Variants in TMPRSS9 observed in about 807,000 individuals in gnomAD.
The protein encoded by TMPRSS9 is transmembrane protease serine 9.
A neutral mutation model predicts 111.4 loss-of-function variants in TMPRSS9; 113 were observed. That is an observed-to-expected ratio of 1.01 (90% CI 0.87 to 1.19). The LOEUF is 1.19. Ranked by LOEUF, TMPRSS9 falls within the 50% of genes most tolerant of loss-of-function variation. The pLI is 0.00. For synonymous variants in TMPRSS9, 805 were observed against 659.1 expected, an observed-to-expected ratio of 1.22 and a Z score of -3.39; for missense variants, 1,803 against 1,513.1, an observed-to-expected ratio of 1.19 and a Z score of -3.18.
intron 13 of TMPRSS9, among the ~76,000 whole-genome samples, 189 bp downstream of exon 14, chr19:2,418,327 C>CTT (rs1568189431): frequency 1.4e-4 from 5 of 36,204 alleles, no homozygotes; most frequent in African/African-American, 1.2e-3. Context: ...CCCTCCCTCC[C>CTT]TCCCTTTCCT....
At chr19:2,392,099 A>T (rs1179322702) in intron 1 of TMPRSS9, among the ~76,000 whole-genome samples, 1 of 152,082 alleles carries the variant, frequency 6.6e-6, no homozygotes, top group African/African-American at 2.4e-5. Flanking sequence ...CTGTAATCCC[A>T]GCACTCTGGG....
intron 11 of TMPRSS9, chr19:2,416,278 G>A: frequency 1.9e-6 from 1 of 530,722 alleles, no homozygotes. Context: ...GGTTGGGGGG[G>A]GGCATTGGCA....
chr19:2,408,719 G>A, intron 8 of TMPRSS9, 89 bp downstream of exon 9: 2 of 1,510,578 alleles, frequency 1.3e-6, no homozygotes, highest in Non-Finnish European at 1.8e-6. Context: ...GCTCACGCCT[G>A]TCATCCCAGC....
intron 7 of TMPRSS9, among the ~76,000 whole-genome samples, chr19:2,406,539 T>C (rs1438667079): frequency 1.3e-5 from 2 of 150,178 alleles, no homozygotes; most frequent in Non-Finnish European, 3.0e-5. Flanking sequence ...TTCGCCATGT[T>C]GGCCAGGCTG....
Position 2,369,989 on chromosome 19 carries a change from C to CT in TMPRSS9, c.-26+9631dup, listed in dbSNP as rs1970276305. 2.6e-5 allele frequency among the ~76,000 whole-genome samples: 4 copies of CT among 152,190 alleles called. No individual in the cohort carries two copies. The South Asian group carries it at 8.3e-4, about 32-fold the overall frequency. On this transcript the variant is annotated intron_variant, in intron 1 of 17. Transcript: ENST00000649857. ...TTGGGAGGCCAAGGCTGGCAGGTCACTTGAGGTCAGGAGTTCAAGACCAGC... is the reference window on the plus strand; with the variant it reads ...TTGGGAGGCCAAGGCTGGCAGGTCACTTTGAGGTCAGGAGTTCAAGACCAGC...
Position 2,425,492 on chromosome 19 carries a change from C to A in TMPRSS9, c.3119C>A (p.Ser1040Ter). 1 of 1,575,444 alleles carries A rather than the reference C, an allele frequency of 6.3e-7. No individual in the cohort carries two copies. The highest frequency in any genetic ancestry group is 1.3e-5 in the African/African-American group (1 of 74,202). ...CCGCAGGGTGGCGTGGACAGCTGCT[C>A]GGTGAGCCCCGCCCCGGCCCAGGGG... The change falls in exon 17 of 18, where the codon TCG (serine) becomes TAG (stop). Residue 1040 changes from serine (S) to a stop codon, truncating the protein, a stop_gained and splice_region_variant. Transcript: ENST00000648592. LOFTEE classifies it low-confidence loss of function (END_TRUNC).
At position 2,394,020 on chromosome 19, in the gene TMPRSS9, A is replaced by C. The variant is rs4807256; in HGVS notation, c.143-2519A>C. Among the ~76,000 whole-genome samples the C allele has an allele frequency of 2.0e-5, 3 of 151,962 alleles. No individual in the cohort carries two copies. The East Asian group carries it at 5.8e-4, about 29-fold the overall frequency. Reference sequence around the variant, plus strand: ...GATTGAAACCATCCTGGCCAACATGATGAAACCCCGTCTCTACTAAAATAC... The same window carrying C: ...GATTGAAACCATCCTGGCCAACATGCTGAAACCCCGTCTCTACTAAAATAC... On this transcript the variant is annotated intron_variant, in intron 1 of 17. Transcript: ENST00000648592.
At chr19:2,379,756 CTCTT>C (rs1970371891) in intron 1 of TMPRSS9, among the ~76,000 whole-genome samples, 1 of 148,246 alleles carries the variant, frequency 6.7e-6, no homozygotes, top group Non-Finnish European at 1.5e-5. Context: ...CTCTCATTCT[CTCTT>C]TTCTCTCTTT....
chr19:2,418,015 GCTC>G, exon 13 of TMPRSS9: 1 of 1,611,650 alleles, frequency 6.2e-7, no homozygotes, highest in Non-Finnish European at 8.5e-7. Context: ...CCAAGCCCGA[GCTC>G]CTGCAGAAGG....
chr19:2,389,290 G>T (rs999472515), upstream of TMPRSS9, among the ~76,000 whole-genome samples: 50 of 150,612 alleles, frequency 3.3e-4, no homozygotes, highest in Non-Finnish European at 2.8e-4. Context: ...GGCCAGGCTG[G>T]TCTCAAACTC....
intron 2 of TMPRSS9, among the ~76,000 whole-genome samples, chr19:2,397,676 T>C (rs1021761117): frequency 6.6e-5 from 10 of 150,846 alleles, no homozygotes; most frequent in Non-Finnish European, 1.5e-4. Flanking sequence ...TCCCAGCACT[T>C]TGGGAGGCCG....
At chr19:2,413,230 C>T (rs12610522) in intron 9 of TMPRSS9, among the ~76,000 whole-genome samples, 54,217 of 151,794 alleles carry the variant, frequency 0.36, 10,911 homozygotes, top group African/African-American at 0.55. Flanking sequence ...ATACACAGAA[C>T]GTAAGGGTCA....
At chr19:2,387,385 T>C (rs975689476), upstream of TMPRSS9, among the ~76,000 whole-genome samples, 20 of 151,922 alleles carry the variant, frequency 1.3e-4, no homozygotes, top group African/African-American at 4.8e-4. Context: ...ATCCCAGCTA[T>C]TGGGGAGGCT....
At chr19:2,400,252 G>A (rs1202216673) in intron 4 of TMPRSS9, among the ~76,000 whole-genome samples, 1 of 152,214 alleles carries the variant, frequency 6.6e-6, no homozygotes, top group Non-Finnish European at 1.5e-5. Flanking sequence ...TAATAAAATT[G>A]TATGGAAGGC....
chr19:2,418,312 TCCCTCCCTCCC>T (rs1568189319), intron 13 of TMPRSS9, among the ~76,000 whole-genome samples, 174 bp downstream of exon 14: 72 of 21,410 alleles, frequency 3.4e-3, no homozygotes, highest in African/African-American at 9.6e-3. Flanking sequence ...TCCCTTTCCC[TCCCTCCCTCCC>T]TCCCTCCCTT....
At chr19:2,405,086 C>T (rs1230221568) in intron 6 of TMPRSS9, among the ~76,000 whole-genome samples, 9 of 151,960 alleles carry the variant, frequency 5.9e-5, no homozygotes, top group South Asian at 2.1e-4. Flanking sequence ...CAAACATGTA[C>T]GTGGGGTCAT....
At chr19:2,379,621 C>CTTTCTTTCTTTCTTTCTT (rs1970367277) in intron 1 of TMPRSS9, among the ~76,000 whole-genome samples, 1 of 128,464 alleles carries the variant, frequency 7.8e-6, no homozygotes. Flanking sequence ...CTTTCTCTTT[C>CTTTCTTTCTTTCTTTCTT]TTTCTTTCTT....
At chr19:2,425,062 G>T in exon 16 of TMPRSS9, 1 of 1,570,364 alleles carries the variant, frequency 6.4e-7, no homozygotes, top group Non-Finnish European at 8.6e-7. Context: ...GCGGCGCGGA[G>T]GGGCAGCTGG....
intron 1 of TMPRSS9, among the ~76,000 whole-genome samples, chr19:2,391,899 G>A (rs1289313194): frequency 6.6e-6 from 1 of 151,868 alleles, no homozygotes; most frequent in Non-Finnish European, 1.5e-5. Context: ...GTGCCACTAC[G>A]CCGAGCTAAT....
Sources: gnomAD v4.1 joint callset for allele counts (sites outside exome capture counted in the v4.1 genomes callset) on GRCh38, gnomAD v4.1.1 for gene constraint, MANE v1.5 for transcripts, NCBI Gene and HGNC (gene_info 2026-07-23, HGNC 2026-07-21) for gene names.